The following RPS6KC1 variants were observed in gnomAD, a reference collection of about 807,000 sequenced individuals.
The protein encoded by RPS6KC1 is ribosomal protein S6 kinase C1, also known as inactive ribosomal protein S6 kinase delta-1.
Under a neutral mutation model 103.8 loss-of-function variants are expected in RPS6KC1, and 54 were observed. The observed-to-expected ratio is 0.52, with a 90% CI of 0.42 to 0.65. RPS6KC1 has a LOEUF of 0.65. RPS6KC1 is among the 30% of genes least tolerant of loss of function. The pLI, the probability that RPS6KC1 is intolerant of heterozygous loss-of-function variation, is 0.00. For synonymous variants in RPS6KC1, 439 were observed against 438.7 expected (o/e 1.00, Z -0.01); for missense variants, 1,151 against 1,253.8 (o/e 0.92, Z 1.24).
chr1:213,336,004 A>G, the RPS6KC1 span, among the ~76,000 whole-genome samples: 1 of 152,214 alleles, frequency 6.6e-6, no homozygotes, highest in East Asian at 1.9e-4. Flanking sequence ...TGAAAGCAAT[A>G]TGTTATCAAA....
In RPS6KC1 at chr1:213,242,241, G is replaced by T; in HGVS notation, c.2765G>T (p.Arg922Ile). The part of the protein sequence containing the change: ...EMVVALDALH[R>I]EGIVCRDLNP... The stretch of plus-strand genomic sequence containing the variant: ...GTGGTAGCCCTTGATGCTTTACATA[G>T]AGAGGGAATTGTGTGCCGCGATTTG... The change falls in exon 11 of 15, where the codon AGA becomes ATA. Residue 922 changes from arginine to isoleucine, a missense_variant. This residue lies in a region of RPS6KC1 where 189 missense variants were observed against 228.8 expected (regional missense o/e 0.83). Coordinates refer to ENST00000366960, the MANE Select transcript of RPS6KC1 (RefSeq NM_012424.6). 6.2e-7 allele frequency: 1 copy of T among 1,613,976 alleles called. No homozygotes were observed. The highest frequency in any genetic ancestry group is 8.5e-7 in the Non-Finnish European group (1 of 1,179,882).
intron 8 of RPS6KC1, among the ~76,000 whole-genome samples, chr1:213,198,426 G>A (rs938150091): frequency 5.3e-5 from 8 of 152,134 alleles, no homozygotes; most frequent in Admixed American, 1.3e-4. Flanking sequence ...ATGACTATGT[G>A]CCTTAGGTGA....
At chr1:213,456,850 TTC>T in the RPS6KC1 span, among the ~76,000 whole-genome samples, 1 of 152,158 alleles carries the variant, frequency 6.6e-6, no homozygotes, top group Non-Finnish European at 1.5e-5. Context: ...AACTGATCTG[TTC>T]TGTTAAGTAC....
the RPS6KC1 span, among the ~76,000 whole-genome samples, chr1:213,698,591 A>G: frequency 6.6e-6 from 1 of 152,124 alleles, no homozygotes; most frequent in African/African-American, 2.4e-5. Context: ...TGTTACTAGA[A>G]TGACTCAGTG....
chr1:213,269,562 A>C (rs577218969), intron 14 of RPS6KC1, among the ~76,000 whole-genome samples: 45 of 152,344 alleles, frequency 3.0e-4, no homozygotes, highest in African/African-American at 1.1e-3. Flanking sequence ...AATTGAATTC[A>C]TACACTGTAT....
chr1:213,222,633 T>C (rs1288713317), intron 8 of RPS6KC1, among the ~76,000 whole-genome samples: 1 of 152,134 alleles, frequency 6.6e-6, no homozygotes, highest in African/African-American at 2.4e-5. Context: ...ATTGTTGATA[T>C]TAAAGCCCAC....
the RPS6KC1 span, among the ~76,000 whole-genome samples, chr1:213,777,581 A>G: frequency 6.6e-6 from 1 of 152,242 alleles, no homozygotes; most frequent in African/African-American, 2.4e-5. Flanking sequence ...TATAATATAA[A>G]AAATGGCACC....
chr1:213,130,602 A>G (rs2085495631), intron 6 of RPS6KC1, among the ~76,000 whole-genome samples: 1 of 152,184 alleles, frequency 6.6e-6, no homozygotes, highest in Non-Finnish European at 1.5e-5. Context: ...GTTTGTCGGT[A>G]CCATTCAGAT....
the RPS6KC1 span, among the ~76,000 whole-genome samples, chr1:213,434,326 G>T: frequency 6.6e-6 from 1 of 151,944 alleles, no homozygotes; most frequent in Non-Finnish European, 1.5e-5. Context: ...TTCTTGTTGG[G>T]TATAGAATTC....
At chr1:213,157,110 T>G (rs981282825) in intron 6 of RPS6KC1, among the ~76,000 whole-genome samples, 1 of 152,214 alleles carries the variant, frequency 6.6e-6, no homozygotes, top group Non-Finnish European at 1.5e-5. Flanking sequence ...TCATTTTCAC[T>G]CAGCTTGAAA....
the RPS6KC1 span, among the ~76,000 whole-genome samples, chr1:213,779,790 C>T: frequency 6.6e-5 from 10 of 152,234 alleles, no homozygotes; most frequent in East Asian, 1.9e-4. Context: ...CAAGGAGATG[C>T]GCAGAAAAGT....
At chr1:213,314,494 A>G in the RPS6KC1 span, among the ~76,000 whole-genome samples, 2 of 152,194 alleles carry the variant, frequency 1.3e-5, no homozygotes, top group African/African-American at 4.8e-5. Flanking sequence ...GATTCTTTTT[A>G]AAAGAGAGTG....
the RPS6KC1 span, among the ~76,000 whole-genome samples, chr1:213,855,456 G>A: frequency 6.6e-6 from 1 of 152,140 alleles, no homozygotes; most frequent in Admixed American, 6.5e-5. Flanking sequence ...CTTCATAATA[G>A]GCTAGATGTG....
chr1:213,214,532 T>TTC (rs2093607191), intron 8 of RPS6KC1, among the ~76,000 whole-genome samples: 1 of 152,020 alleles, frequency 6.6e-6, no homozygotes, highest in Admixed American at 6.5e-5. Flanking sequence ...AGAGTAGTGG[T>TTC]TCTCCCAGCA....
the RPS6KC1 span, among the ~76,000 whole-genome samples, chr1:213,322,326 T>G: frequency 6.6e-6 from 1 of 152,078 alleles, no homozygotes; most frequent in Non-Finnish European, 1.5e-5. Context: ...CTAGGTCAGG[T>G]AGGCCCAAGT....
chr1:213,697,835 C>T, the RPS6KC1 span, among the ~76,000 whole-genome samples: 1 of 152,168 alleles, frequency 6.6e-6, no homozygotes, highest in Non-Finnish European at 1.5e-5. Context: ...CTGATATTAG[C>T]CAACAATATT....
At chr1:213,807,114 C>T in the RPS6KC1 span, among the ~76,000 whole-genome samples, 1 of 152,236 alleles carries the variant, frequency 6.6e-6, no homozygotes, top group Non-Finnish European at 1.5e-5. Context: ...GGCCCCCACT[C>T]TCTTCTGGCT....
At chr1:213,395,337 G>C in the RPS6KC1 span, among the ~76,000 whole-genome samples, 2 of 152,206 alleles carry the variant, frequency 1.3e-5, no homozygotes, top group Non-Finnish European at 2.9e-5. Flanking sequence ...ATCTCAAAGA[G>C]TGTTGGGTGA....
chr1:213,260,924 T>C (rs2094777276), intron 12 of RPS6KC1, among the ~76,000 whole-genome samples: 1 of 152,228 alleles, frequency 6.6e-6, no homozygotes, highest in Non-Finnish European at 1.5e-5. Context: ...TCCCTTATCT[T>C]AGCCAATAGT....
Sources: gnomAD v4.1 joint callset for allele counts (sites outside exome capture counted in the v4.1 genomes callset) on GRCh38, gnomAD v4.1.1 for gene constraint, gnomAD v4.1.1 regional missense constraint, MANE v1.5 for transcripts, NCBI Gene and HGNC (gene_info 2026-07-23, HGNC 2026-07-21) for gene names.